RBFOX1: variants seen among roughly 807,000 people sequenced by gnomAD.
RBFOX1 encodes RNA binding fox-1 homolog 1.
A neutral mutation model predicts 57.7 loss-of-function variants in RBFOX1; 8 were observed. The ratio of observed to expected loss-of-function variants is 0.14; its 90% confidence interval spans 0.08 to 0.25. RBFOX1 has a LOEUF of 0.25. RBFOX1 is among the 10% of genes least tolerant of loss of function. The probability of loss-of-function intolerance (pLI) is 1.00; values close to 1 mark genes in which losing one functional copy is unlikely to be tolerated. For missense variants in RBFOX1, 611 were observed against 548.5 expected (o/e 1.11, Z -1.14); for synonymous variants, 326 against 222.4 (o/e 1.47, Z -4.15).
intron 3 of RBFOX1, among the ~76,000 whole-genome samples, chr16:6,923,760 A>G (rs979087353): frequency 4.6e-5 from 7 of 152,160 alleles, no homozygotes; most frequent in Non-Finnish European, 1.0e-4. Context: ...TCAAAGCTTA[A>G]TTAATAGTTA....
chr16:6,727,012 C>T (rs1220254308), intron 3 of RBFOX1, among the ~76,000 whole-genome samples: 10 of 142,140 alleles, frequency 7.0e-5, no homozygotes, highest in East Asian at 2.1e-4. Flanking sequence ...TAATGACATA[C>T]GATGAGAGCG....
At chr16:7,133,369 T>G (rs1333608263) in intron 4 of RBFOX1, among the ~76,000 whole-genome samples, 1 of 152,230 alleles carries the variant, frequency 6.6e-6, no homozygotes, top group African/African-American at 2.4e-5. Context: ...CATTCCGATG[T>G]GAGATGAACA....
At chr16:6,908,228 C>G (rs948168578) in intron 3 of RBFOX1, among the ~76,000 whole-genome samples, 7 of 151,726 alleles carry the variant, frequency 4.6e-5, no homozygotes, top group African/African-American at 1.4e-4. Flanking sequence ...TGCCTGAGAT[C>G]TGGCATTTCA....
At chr16:6,572,403 A>C (rs563351201) in intron 2 of RBFOX1, among the ~76,000 whole-genome samples, 1 of 152,352 alleles carries the variant, frequency 6.6e-6, no homozygotes, top group South Asian at 2.1e-4. Context: ...TTACAGGATC[A>C]AAACTATGCA....
intron 4 of RBFOX1, among the ~76,000 whole-genome samples, chr16:5,890,670 C>G (rs1464540172): frequency 7.5e-6 from 1 of 133,756 alleles, no homozygotes; most frequent in Non-Finnish European, 1.5e-5. Context: ...GCACTCTAGC[C>G]TGGGTGACAG....
At chr16:5,942,766 C>T (rs1361159494) in intron 4 of RBFOX1, among the ~76,000 whole-genome samples, 1 of 152,136 alleles carries the variant, frequency 6.6e-6, no homozygotes, top group Non-Finnish European at 1.5e-5. Context: ...TAGATCAGAT[C>T]TCTCTCACTG....
At chr16:7,015,363 T>C (rs534496439) in intron 3 of RBFOX1, among the ~76,000 whole-genome samples, 14 of 152,120 alleles carry the variant, frequency 9.2e-5, no homozygotes, top group Non-Finnish European at 1.8e-4. Flanking sequence ...TTTCTGGGCA[T>C]CAGAACCACC....
chr16:6,298,713 A>G (rs2078433703), intron 1 of RBFOX1, among the ~76,000 whole-genome samples: 1 of 152,238 alleles, frequency 6.6e-6, no homozygotes, highest in East Asian at 1.9e-4. Context: ...GTGTTCGAGA[A>G]TGACAAGCCA....
intron 3 of RBFOX1, among the ~76,000 whole-genome samples, chr16:5,682,917 G>C (rs2050387622): frequency 1.3e-5 from 2 of 152,160 alleles, no homozygotes; most frequent in African/African-American, 4.8e-5. Flanking sequence ...AGACCCCAAA[G>C]CTCCCAGGGT....
intron 4 of RBFOX1, among the ~76,000 whole-genome samples, chr16:5,983,942 T>TC (rs2060227519): frequency 8.4e-6 from 1 of 119,536 alleles, no homozygotes; most frequent in Admixed American, 9.4e-5. Flanking sequence ...CTCCTCCTCC[T>TC]CTTCCTCCTC....
chr16:7,168,600 G>A (rs1404798711), intron 4 of RBFOX1, among the ~76,000 whole-genome samples: 1 of 152,014 alleles, frequency 6.6e-6, no homozygotes, highest in African/African-American at 2.4e-5. Flanking sequence ...GGTATTCTTG[G>A]TTTACATCTC....
intron 4 of RBFOX1, among the ~76,000 whole-genome samples, chr16:7,055,134 C>T (rs116677298): frequency 0.021 from 3,179 of 152,144 alleles, 89 homozygotes; most frequent in African/African-American, 0.065. Context: ...TTAAAAAAAG[C>T]TAAACAGTTT....
intron 3 of RBFOX1, among the ~76,000 whole-genome samples, chr16:6,815,715 A>G (rs913407332): frequency 1.3e-5 from 2 of 152,108 alleles, no homozygotes; most frequent in South Asian, 4.1e-4. Context: ...ACACTTAACC[A>G]TTACCCACTC....
intron 3 of RBFOX1, among the ~76,000 whole-genome samples, chr16:5,689,105 C>T (rs1003513622): frequency 6.6e-6 from 1 of 152,222 alleles, no homozygotes; most frequent in African/African-American, 2.4e-5. Context: ...GGTTATGTAA[C>T]ACAAACATGG....
At chr16:7,288,274 T>C (rs1358584735) in intron 4 of RBFOX1, among the ~76,000 whole-genome samples, 1 of 152,218 alleles carries the variant, frequency 6.6e-6, no homozygotes, top group Non-Finnish European at 1.5e-5. Context: ...TGTTCAACTT[T>C]CAGACATTCT....
At chr16:6,282,355 G>GTTTT (rs151272388) in intron 1 of RBFOX1, among the ~76,000 whole-genome samples, 9 of 125,256 alleles carry the variant, frequency 7.2e-5, no homozygotes, top group South Asian at 5.3e-4. Context: ...TACCTTGTCT[G>GTTTT]TTTTTTTTTT....
At chr16:5,611,749 T>TCCA (rs1567296768) in intron 3 of RBFOX1, among the ~76,000 whole-genome samples, 58 of 130,852 alleles carry the variant, frequency 4.4e-4, no homozygotes, top group South Asian at 2.6e-3. Context: ...CATCCATCCA[T>TCCA]TCACCCTTCT....
At position 6,020,436 on chromosome 16, in the gene RBFOX1, G is replaced by T. The variant is rs188604256; in HGVS notation, c.-127+444G>T. 2.0e-5 allele frequency among the ~76,000 whole-genome samples: 3 copies of T among 152,294 alleles called. No individual in the cohort carries two copies. In the East Asian group the frequency reaches 5.8e-4, roughly 30 times the overall value. ...AGGAGGAGGCATCTTAGTGACCCGG[G>T]AGGGTGTTTAGGTGCCCCGAACCCC... On this transcript the variant is annotated intron_variant, in intron 1 of 15. Transcript: ENST00000550418.
intron 1 of RBFOX1, among the ~76,000 whole-genome samples, chr16:6,310,379 C>T (rs1417737560): frequency 4.6e-5 from 7 of 152,138 alleles, no homozygotes; most frequent in Admixed American, 4.6e-4. Flanking sequence ...GATCTTATTG[C>T]CTTGGCAAAA....
Sources: gnomAD v4.1 joint callset for allele counts (sites outside exome capture counted in the v4.1 genomes callset) on GRCh38, gnomAD v4.1.1 for gene constraint, MANE v1.5 for transcripts, NCBI Gene and HGNC (gene_info 2026-07-23, HGNC 2026-07-21) for gene names.